TUT4: variants seen among roughly 807,000 people sequenced by gnomAD.
TUT4 encodes terminal uridylyltransferase 4.
TUT4 carries 36 observed loss-of-function variants against 192.2 expected under a neutral mutation model. The observed-to-expected ratio is 0.19, with a 90% confidence interval of 0.14 to 0.25. The LOEUF is 0.25. Among genes scored for constraint, TUT4 ranks in the 10% least tolerant of loss-of-function variants. The probability of loss-of-function intolerance (pLI) is 1.00; values close to 1 mark genes in which losing one functional copy is unlikely to be tolerated. For missense variants in TUT4, 1,493 were observed against 1,957.2 expected, an observed-to-expected ratio of 0.76 and a Z score of 4.47; for synonymous variants, 618 against 666.0, an observed-to-expected ratio of 0.93 and a Z score of 1.11.
At chr1:52,424,203 A>T (rs1649015081) in intron 29 of TUT4, 1 of 560,180 alleles carries the variant, frequency 1.8e-6, no homozygotes, top group Non-Finnish European at 3.1e-6. Flanking sequence ...AGGAGAGGAC[A>T]CGAAAGATGG....
chr1:52,433,246 GTTTT>G (rs1652663348), intron 27 of TUT4: 1 of 152,068 alleles, frequency 6.6e-6, no homozygotes, highest in South Asian at 2.1e-4. Context: ...ATTTTTTGTA[GTTTT>G]AGCAGAGATG....
intron 20 of TUT4, among the ~76,000 whole-genome samples, chr1:52,453,941 C>T (rs1171024602): frequency 6.6e-6 from 1 of 152,056 alleles, no homozygotes; most frequent in Non-Finnish European, 1.5e-5. Flanking sequence ...ATGCAATGAA[C>T]AAGTGGAATT....
intron 2 of TUT4, among the ~76,000 whole-genome samples, chr1:52,523,803 T>C (rs1461983112): frequency 1.3e-5 from 2 of 152,212 alleles, no homozygotes; most frequent in African/African-American, 2.4e-5. Flanking sequence ...GTCAACTCTA[T>C]TAAAATTCTT....
intron 12 of TUT4, among the ~76,000 whole-genome samples, chr1:52,476,744 A>T (rs1452950259): frequency 6.6e-6 from 1 of 152,248 alleles, no homozygotes; most frequent in East Asian, 1.9e-4. Context: ...AGATGTGTAT[A>T]AATGTTTGCA....
chr1:52,535,658 A>G (rs1271610942), intron 1 of TUT4, among the ~76,000 whole-genome samples: 1 of 152,226 alleles, frequency 6.6e-6, no homozygotes, highest in African/African-American at 2.4e-5. Flanking sequence ...CAATCTGATG[A>G]AAGACACAAG....
At chr1:52,516,638 GTA>G (rs1298282506) in intron 2 of TUT4, among the ~76,000 whole-genome samples, 4 of 152,184 alleles carry the variant, frequency 2.6e-5, no homozygotes, top group Non-Finnish European at 5.9e-5. Context: ...GCATCTAGCA[GTA>G]TGTATCTAAC....
chr1:52,460,418 G>A (rs531414528), intron 19 of TUT4, among the ~76,000 whole-genome samples: 1 of 152,188 alleles, frequency 6.6e-6, no homozygotes, highest in African/African-American at 2.4e-5. Context: ...GGAGGCGGAG[G>A]TTGCAGTGAG....
At chr1:52,474,730 T>C in intron 13 of TUT4, 102 bp downstream of exon 13, 1 of 1,015,180 alleles carries the variant, frequency 9.9e-7, no homozygotes, top group Non-Finnish European at 1.4e-6. Flanking sequence ...CCAAAACAAG[T>C]CACCACTTTA....
chr1:52,444,610 T>A (rs1656812740), intron 24 of TUT4, among the ~76,000 whole-genome samples: 1 of 150,824 alleles, frequency 6.6e-6, no homozygotes, highest in Admixed American at 6.7e-5. Flanking sequence ...GATTAACATT[T>A]GAGTCAGTGG....
At chr1:52,490,578 G>A (rs955375699) in intron 8 of TUT4, among the ~76,000 whole-genome samples, 154 bp downstream of exon 8, 29 of 151,822 alleles carry the variant, frequency 1.9e-4, no homozygotes, top group African/African-American at 5.8e-4. Context: ...CATGCATTTG[G>A]TAAGCTTGCT....
intron 4 of TUT4, among the ~76,000 whole-genome samples, chr1:52,501,881 G>A (rs537561871): frequency 3.3e-5 from 5 of 152,212 alleles, no homozygotes; most frequent in Non-Finnish European, 7.4e-5. Context: ...CCATTTATAT[G>A]GGGTACCTAC....
chr1:52,441,008 T>C (rs558478209), intron 24 of TUT4, among the ~76,000 whole-genome samples: 186 of 152,330 alleles, frequency 1.2e-3, no homozygotes, highest in African/African-American at 4.3e-3. Flanking sequence ...CTATAAATGC[T>C]GATCTGCAAT....
At chr1:52,525,144 G>A (rs185804500) in intron 2 of TUT4, among the ~76,000 whole-genome samples, 1 of 147,576 alleles carries the variant, frequency 6.8e-6, no homozygotes, top group East Asian at 1.9e-4. Context: ...TAGGGCTATG[G>A]GTTTTTTTGT....
In TUT4 at chr1:52,525,908, G is replaced by C; in HGVS notation, c.373C>G (p.Gln125Glu). Residue 125 changes from glutamine to glutamate, a missense_variant, in exon 2 of 30, where the codon CAG (glutamine) becomes GAG (glutamate). Physicochemically the swap from Gln to Glu is conservative, Grantham distance 29. This residue lies in a region of TUT4 where 260 missense variants were observed against 247.8 expected (regional missense o/e 1.05). Transcript: ENST00000257177. ...TTTGGTGATTTTTCTGCTTTTGCCT[G>C]TAAACTGGTTGCCTTTTCTGATTTT... ...QAKSEKATSL[Q>E]AKAEKSPKSP... is the part of the protein sequence containing the mutation. 6.2e-7 allele frequency: 1 copy of C among 1,614,074 alleles called. No individual in the cohort carries two copies. The highest frequency in any genetic ancestry group is 1.1e-5 in the South Asian group (1 of 91,072).
At chr1:52,519,728 C>T (rs1336828260) in intron 2 of TUT4, among the ~76,000 whole-genome samples, 1 of 152,044 alleles carries the variant, frequency 6.6e-6, no homozygotes, top group East Asian at 1.9e-4. Flanking sequence ...AAGCTGTTTT[C>T]GAACCCCTGA....
At chr1:52,506,735 CCTT>C (rs923738065) in intron 4 of TUT4, among the ~76,000 whole-genome samples, 1 of 152,154 alleles carries the variant, frequency 6.6e-6, no homozygotes, top group East Asian at 1.9e-4. Context: ...GTCTTACTGT[CCTT>C]CTCTGCTAAT....
At chr1:52,449,455 T>A (rs145519667) in intron 20 of TUT4, among the ~76,000 whole-genome samples, 1 of 152,134 alleles carries the variant, frequency 6.6e-6, no homozygotes, top group African/African-American at 2.4e-5. Flanking sequence ...TATGCCACCA[T>A]GCCTGGCTAA....
intron 2 of TUT4, among the ~76,000 whole-genome samples, chr1:52,524,522 TC>T (rs1360168944): frequency 7.6e-6 from 1 of 131,512 alleles, no homozygotes; most frequent in Non-Finnish European, 1.6e-5. Context: ...AGACTCCATC[TC>T]AAAAAAAAAA....
chr1:52,524,718 G>C (rs1349147315), intron 2 of TUT4, among the ~76,000 whole-genome samples: 2 of 152,082 alleles, frequency 1.3e-5, no homozygotes, highest in Non-Finnish European at 2.9e-5. Flanking sequence ...AGACAGAATT[G>C]CTTGAACCTG....
Sources: allele counts gnomAD v4.1 joint callset (sites outside exome capture counted in the v4.1 genomes callset), GRCh38; gene constraint gnomAD v4.1.1; regional missense constraint gnomAD v4.1.1; transcripts MANE v1.5; gene names NCBI Gene and HGNC (gene_info 2026-07-23, HGNC 2026-07-21).